The following PIBF1 variants were observed in gnomAD, a reference collection of about 807,000 sequenced individuals.
The protein encoded by PIBF1 is progesterone-induced-blocking factor 1.
Under a neutral mutation model 112.5 loss-of-function variants are expected in PIBF1, and 90 were observed. That is an observed-to-expected ratio of 0.80 (90% confidence interval 0.67 to 0.95). PIBF1 has a LOEUF of 0.95. PIBF1 is among the 40% of genes least tolerant of loss of function. PIBF1 has a pLI of 0.00. For synonymous variants in PIBF1, 301 were observed against 288.6 expected (o/e 1.04, Z -0.44); for missense variants, 915 against 852.3 (o/e 1.07, Z -0.92).
chr13:72,816,065 T>A (rs984412594), intron 5 of PIBF1, among the ~76,000 whole-genome samples: 1 of 152,206 alleles, frequency 6.6e-6, no homozygotes, highest in Non-Finnish European at 1.5e-5. Flanking sequence ...GTATAAAAAT[T>A]GCCTCCTAAT....
intron 12 of PIBF1, among the ~76,000 whole-genome samples, chr13:72,915,163 T>TAC (rs2041042476): frequency 6.6e-6 from 1 of 151,810 alleles, no homozygotes; most frequent in Non-Finnish European, 1.5e-5. Context: ...TATATATATA[T>TAC]ACCATTTTAT....
chr13:72,935,649 C>T (rs1218013830), intron 14 of PIBF1, among the ~76,000 whole-genome samples: 1 of 152,312 alleles, frequency 6.6e-6, no homozygotes, highest in East Asian at 1.9e-4. Context: ...TACCATTTTA[C>T]ATTTCCACCA....
At chr13:72,803,264 TTTTG>T (rs2035570558) in intron 5 of PIBF1, among the ~76,000 whole-genome samples, 1 of 132,100 alleles carries the variant, frequency 7.6e-6, no homozygotes, top group African/African-American at 3.5e-5. Context: ...GTTTTTTGTT[TTTTG>T]TTTTTTTCCT....
Position 72,796,978 on chromosome 13 carries a change from A to G in PIBF1, c.553-929A>G, listed in dbSNP as rs145510391. On this transcript the variant is annotated intron_variant, in intron 4 of 17. Transcript: ENST00000326291. ...TTAAGGAGTTTCAGATTGCATGCCT[A>G]TATGATAGCCCCTAATTACTCTCTC... is the stretch of plus-strand genomic sequence containing the variant. 2.4e-4 allele frequency among the ~76,000 whole-genome samples: 37 copies of G among 152,258 alleles called. 1 individual carries two copies. The East Asian group carries it at 6.6e-3, about 27-fold the overall frequency.
chr13:72,801,801 A>AT (rs1726211209), intron 5 of PIBF1, among the ~76,000 whole-genome samples: 1 of 152,230 alleles, frequency 6.6e-6, no homozygotes, highest in Non-Finnish European at 1.5e-5. Context: ...TAAGCCTTGA[A>AT]TAACACCATG....
At chr13:73,013,731 CAAAA>C (rs113104076) in intron 17 of PIBF1, among the ~76,000 whole-genome samples, 1 of 113,058 alleles carries the variant, frequency 8.8e-6, no homozygotes, top group Non-Finnish European at 1.9e-5. Context: ...GAGCCTATCT[CAAAA>C]AAAAAAAAAA....
At chr13:72,879,270 GA>G (rs2039528977) in intron 10 of PIBF1, among the ~76,000 whole-genome samples, 1 of 152,082 alleles carries the variant, frequency 6.6e-6, no homozygotes, top group Non-Finnish European at 1.5e-5. Context: ...CTTCAAAAAG[GA>G]AAGTTTGCAA....
At chr13:72,854,241 G>T in intron 10 of PIBF1, 86 bp downstream of exon 10, 2 of 818,056 alleles carry the variant, frequency 2.4e-6, no homozygotes, top group Non-Finnish European at 3.9e-6. Flanking sequence ...TTTAAGGAGA[G>T]AATAATTTTC....
rs143088770 is a variant in PIBF1, at chr13:72,814,773, C to G, written c.673-7076C>G. ...ATGAAAAATAAATACATGTAGTACT[C>G]ATCTTGAGAAAGCTGGAAAAAGATG... On this transcript the variant is annotated intron_variant, in intron 5 of 17. Coordinates refer to ENST00000326291, the MANE Select transcript of PIBF1 (RefSeq NM_006346.4). Among the ~76,000 whole-genome samples, 1,054 of 151,982 alleles carry G rather than the reference C, an allele frequency of 6.9e-3. 14 individuals are homozygous for G. The highest frequency in any genetic ancestry group is 0.025 in the African/African-American group (1,017 of 41,464).
At chr13:72,794,760 C>G (rs536292533) in intron 3 of PIBF1, among the ~76,000 whole-genome samples, 32 of 152,304 alleles carry the variant, frequency 2.1e-4, no homozygotes, top group African/African-American at 6.3e-4. Context: ...TCCAGTAAAC[C>G]TCTTTCCTTT....
At position 72,912,925 on chromosome 13, in the gene PIBF1, A is replaced by G. The variant is rs9600036; in HGVS notation, c.1640-4151A>G. On this transcript the variant is annotated intron_variant, in intron 12 of 17. Transcript: ENST00000326291. Reference sequence around the variant, plus strand: ...TTATAGTATATGGTATGATTATACTATATGATTATAGTATATAGTATGATT... The same window carrying G: ...TTATAGTATATGGTATGATTATACTGTATGATTATAGTATATAGTATGATT... Among the ~76,000 whole-genome samples, 857 of 150,976 alleles carry G rather than the reference A, an allele frequency of 5.7e-3. 7 individuals carry two copies. The highest frequency in any genetic ancestry group is 0.02 in the African/African-American group (805 of 40,710).
In PIBF1 at chr13:72,956,680, T is replaced by TC. The variant is rs1303004273; in HGVS notation, c.1834-8593dup. 2.6e-5 allele frequency among the ~76,000 whole-genome samples: 4 copies of TC among 152,234 alleles called. No individual in the cohort carries two copies. The East Asian group carries it at 7.7e-4, about 29-fold the overall frequency. On this transcript the variant is annotated intron_variant, in intron 14 of 17. Coordinates refer to ENST00000326291, the MANE Select transcript of PIBF1 (RefSeq NM_006346.4). The stretch of plus-strand genomic sequence containing the variant: ...TCTTTAGTCTATTTAGCTGATGTCT[T>TC]CATCTTCTAGCCCTTAAATGTAGGT...
intron 5 of PIBF1, among the ~76,000 whole-genome samples, chr13:72,808,333 G>T (rs1000022856): frequency 1.3e-5 from 2 of 152,098 alleles, no homozygotes; most frequent in Non-Finnish European, 2.9e-5. Context: ...CAAACACTGG[G>T]TCACCTTGGA....
At chr13:72,800,708 T>C (rs1306340151) in intron 5 of PIBF1, among the ~76,000 whole-genome samples, 2 of 152,240 alleles carry the variant, frequency 1.3e-5, no homozygotes, top group African/African-American at 4.8e-5. Context: ...ATCCCTGCCA[T>C]CATGGAGTTT....
intron 10 of PIBF1, among the ~76,000 whole-genome samples, chr13:72,869,408 T>C (rs2138417987): frequency 7.4e-6 from 1 of 134,414 alleles, no homozygotes; most frequent in Non-Finnish European, 1.5e-5. Flanking sequence ...TGGATGGGAA[T>C]TGAACAATGA....
chr13:72,913,804 CT>C (rs554948659), intron 12 of PIBF1, among the ~76,000 whole-genome samples: 196 of 151,882 alleles, frequency 1.3e-3, no homozygotes, highest in Middle Eastern at 3.4e-3. Context: ...TGGATGTATA[CT>C]GTACATTTTT....
At chr13:72,895,057 G>A (rs866682510) in intron 11 of PIBF1, among the ~76,000 whole-genome samples, 7 of 151,550 alleles carry the variant, frequency 4.6e-5, no homozygotes, top group Non-Finnish European at 8.8e-5. Context: ...CCAGGAGGTC[G>A]AGGCCACAGT....
chr13:72,837,617 T>G (rs1002529907), intron 9 of PIBF1, among the ~76,000 whole-genome samples: 5 of 152,192 alleles, frequency 3.3e-5, no homozygotes, highest in African/African-American at 7.2e-5. Flanking sequence ...CTTGAGACTC[T>G]TTCTGCTTAA....
At chr13:72,801,818 A>T (rs1168941338) in intron 5 of PIBF1, among the ~76,000 whole-genome samples, 1 of 152,224 alleles carries the variant, frequency 6.6e-6, no homozygotes, top group Admixed American at 6.5e-5. Context: ...CATGGGAACC[A>T]TATGAAGTGT....
Sources: gnomAD v4.1 joint callset for allele counts (sites outside exome capture counted in the v4.1 genomes callset) on GRCh38, gnomAD v4.1.1 for gene constraint, MANE v1.5 for transcripts, NCBI Gene and HGNC (gene_info 2026-07-23, HGNC 2026-07-21) for gene names.